The following TMEM245 variants were observed in gnomAD, a reference collection of about 807,000 sequenced individuals.
The protein encoded by TMEM245 is protein CG-2.
Under a neutral mutation model 101.2 loss-of-function variants are expected in TMEM245, and 69 were observed. That is an observed-to-expected ratio of 0.68 (90% CI 0.56 to 0.83). The LOEUF (loss-of-function observed/expected upper bound fraction) is 0.83, where lower values mean the gene tolerates loss of function less well. Among genes scored for constraint, TMEM245 ranks in the 40% least tolerant of loss-of-function variants. The pLI is 0.00. For synonymous variants in TMEM245, 537 were observed against 449.8 expected (o/e 1.19, Z -2.45); for missense variants, 1,075 against 1,092.8 (o/e 0.98, Z 0.23).
chr9:109,084,256 T>G (rs1407817872), intron 7 of TMEM245, among the ~76,000 whole-genome samples: 1 of 152,140 alleles, frequency 6.6e-6, no homozygotes, highest in Non-Finnish European at 1.5e-5. Flanking sequence ...TTTCTGACTT[T>G]GAGATGTAAT....
intron 14 of TMEM245, among the ~76,000 whole-genome samples, chr9:109,049,185 G>C (rs1259959998): frequency 1.3e-5 from 2 of 152,194 alleles, no homozygotes; most frequent in East Asian, 1.9e-4. Flanking sequence ...AGGTTTGAGA[G>C]AAGGTTATCA....
Position 109,050,159 on chromosome 9 carries a change from G to T in TMEM245, c.2123+124C>A, listed in dbSNP as rs1828628753. On this transcript the variant is annotated intron_variant, in intron 14 of 17. Transcript: ENST00000374586. ...CCTGTCAAAATGAGATGAAAACCTT[G>T]AAAATACCAGAGTCCATCACGAGTT... 3.6e-6 allele frequency: 4 copies of T among 1,126,532 alleles called. No individual in the cohort carries two copies. The Admixed American group carries it at 1.0e-4, about 29-fold the overall frequency. 69.8% of individuals were successfully genotyped at this position (1,126,532 alleles called of 1,614,324 possible).
intron 7 of TMEM245, among the ~76,000 whole-genome samples, chr9:109,083,157 C>T (rs146097808): frequency 8.0e-5 from 12 of 150,118 alleles, no homozygotes; most frequent in African/African-American, 2.2e-4. Context: ...AAACTAAGGA[C>T]GAAAAGAGGA....
Position 109,090,260 on chromosome 9 carries a change from C to CA in TMEM245, c.1150+661dup, listed in dbSNP as rs546819583. Among the ~76,000 whole-genome samples the CA allele has an allele frequency of 5.1e-3, 734 of 143,764 alleles. 5 individuals are homozygous for CA. The highest frequency in any genetic ancestry group is 0.017 in the African/African-American group (682 of 39,470). The allele number at this position is 143,764 out of a possible 152,430, so 94.3% of individuals were successfully genotyped here. ...TGGGTGACAGAGCGAGACTCCGTCT[C>CA]AAAAAAAAAACAAAAAATCATTCGA... On this transcript the variant is annotated intron_variant, in intron 5 of 17. Coordinates refer to ENST00000374586, the MANE Select transcript of TMEM245 (RefSeq NM_032012.4).
At chr9:109,058,158 G>A (rs995983668) in intron 11 of TMEM245, among the ~76,000 whole-genome samples, 2 of 151,030 alleles carry the variant, frequency 1.3e-5, no homozygotes, top group Non-Finnish European at 2.9e-5. Context: ...CTGCCACAAC[G>A]CCTGGCTAAT....
intron 8 of TMEM245, among the ~76,000 whole-genome samples, chr9:109,080,097 T>C (rs1326909344): frequency 1.3e-5 from 2 of 152,100 alleles, no homozygotes; most frequent in Admixed American, 6.6e-5. Context: ...CAATTATAGT[T>C]ACCAACATGT....
Position 109,072,588 on chromosome 9 carries a change from G to A in TMEM245, c.1532+768C>T, listed in dbSNP as rs186825752. Among the ~76,000 whole-genome samples, 8 of 152,274 alleles carry A rather than the reference G, an allele frequency of 5.3e-5. No individual in the cohort carries two copies. The East Asian group carries it at 5.8e-4, about 11-fold the overall frequency. ...CTCTTCTCATTCCTTTGTCGCCACC[G>A]AACTTCAGGTACCCTACGGGTGGTG... is the stretch of plus-strand genomic sequence containing the variant. On this transcript the variant is annotated intron_variant, in intron 9 of 17. Transcript: ENST00000374586.
chr9:109,080,869 A>G lies in TMEM245; in HGVS notation c.1419T>C (p.Thr473=). 6.2e-7 allele frequency: 1 copy of G among 1,606,954 alleles called. No homozygotes were observed. Among genetic ancestry groups the G allele is most frequent in the South Asian group, 1.1e-5 (1 of 90,820 alleles). ...IFIIFLLVIG[T]LLLALLLTAK... is the part of the protein sequence containing the mutation. The stretch of plus-strand genomic sequence containing the variant: ...CAGTCAGGAGTAGGGCTAAAAGAAG[A>G]GTTCCTATCACTAACAAAAATATGA... Residue 473 remains threonine, a synonymous_variant, in exon 8 of 18, where the codon ACT becomes ACC. Transcript: ENST00000374586.
intron 8 of TMEM245, among the ~76,000 whole-genome samples, chr9:109,076,397 G>T (rs1464046806): frequency 7.1e-6 from 1 of 140,548 alleles, no homozygotes; most frequent in Non-Finnish European, 1.5e-5. Context: ...GGGGGGAGGG[G>T]GGAGGGATAG....
chr9:109,034,589 G>A (rs7874008), intron 16 of TMEM245, among the ~76,000 whole-genome samples: 33,199 of 151,888 alleles, frequency 0.22, 4,422 homozygotes, highest in Admixed American at 0.3. Flanking sequence ...TGGGACTACA[G>A]GCATGTGCCA....
chr9:109,034,707 A>G (rs887260658), intron 16 of TMEM245, among the ~76,000 whole-genome samples: 2 of 152,136 alleles, frequency 1.3e-5, no homozygotes, highest in African/African-American at 4.8e-5. Context: ...CGGCCTCTCA[A>G]AGTGGTAGGA....
intron 14 of TMEM245, among the ~76,000 whole-genome samples, chr9:109,046,957 T>A (rs965137258): frequency 2.0e-5 from 3 of 152,198 alleles, no homozygotes; most frequent in African/African-American, 7.2e-5. Flanking sequence ...CTGTACATTT[T>A]AAGTCTTGAA....
chr9:109,043,547 T>C (rs1015262941), intron 14 of TMEM245, among the ~76,000 whole-genome samples: 1 of 152,220 alleles, frequency 6.6e-6, no homozygotes, highest in African/African-American at 2.4e-5. Context: ...CTTCAAAGAT[T>C]ATTGACAGTT....
chr9:109,097,785 GTGGCGCATGC>G (rs1830179684), intron 3 of TMEM245, among the ~76,000 whole-genome samples: 1 of 152,082 alleles, frequency 6.6e-6, no homozygotes, highest in Admixed American at 6.5e-5. Context: ...GCCAGGTATG[GTGGCGCATGC>G]TTGTAATCCC....
In TMEM245 at chr9:109,119,945, G is replaced by T. The variant is rs532713647; in HGVS notation, c.-32C>A. The T allele has an allele frequency of 2.3e-6, 3 of 1,291,434 alleles. No homozygotes were observed. The African/African-American group carries it at 4.6e-5, about 20-fold the overall frequency. 80.0% of individuals were successfully genotyped at this position (1,291,434 alleles called of 1,614,324 possible). On this transcript the variant is annotated 5_prime_UTR_variant, in exon 1 of 18. Coordinates refer to ENST00000374586, the MANE Select transcript of TMEM245 (RefSeq NM_032012.4). ...TCCGCCACAGCCGCCCCCGAGGGGCGGTAATGGGAGTCGGGCTAGAAACGC... is the reference window on the plus strand; with the variant it reads ...TCCGCCACAGCCGCCCCCGAGGGGCTGTAATGGGAGTCGGGCTAGAAACGC...
chr9:109,087,166 A>G lies in TMEM245; in HGVS notation c.1320+7T>C, dbSNP rs375542393. On this transcript the variant is annotated splice_region_variant and intron_variant, in intron 6 of 17. Transcript: ENST00000374586. The stretch of plus-strand genomic sequence containing the variant: ...TTAAGACAGCCCAAGTCCTTAAAAT[A>G]CAATACCTTGCTATCAACTTTTAAC... The G allele has an allele frequency of 6.2e-7, 1 of 1,601,864 alleles. No homozygotes were observed. The highest frequency in any genetic ancestry group is 8.5e-7 in the Non-Finnish European group (1 of 1,176,662).
chr9:109,103,881 T>A (rs967952172), intron 3 of TMEM245, among the ~76,000 whole-genome samples: 1 of 149,844 alleles, frequency 6.7e-6, no homozygotes, highest in Non-Finnish European at 1.5e-5. Context: ...AGATCAGGAG[T>A]TCGAGACCAG....
chr9:109,016,654 GTGTGTT>G lies in TMEM245; in HGVS notation c.*3800_*3805del, dbSNP rs1564161132. 2 of 85,296 alleles carry G rather than the reference GTGTGTT, an allele frequency of 2.3e-5. No homozygotes were observed. Among genetic ancestry groups the G allele is most frequent in the African/African-American group, 1.1e-4 (2 of 19,018 alleles). 5.3% of individuals were successfully genotyped at this position (85,296 alleles called of 1,614,324 possible). A position where few individuals can be genotyped will look rare whatever the true frequency, so the allele number is the denominator to read the frequency against. The stretch of plus-strand genomic sequence containing the variant: ...ACCAAACAGTGGCTGCAGACAGCAT[GTGTGTT>G]TTTTTTTTTTTTTTTTTTTGCAGGT... On this transcript the variant is annotated 3_prime_UTR_variant, in exon 18 of 18. Transcript: ENST00000374586.
At chr9:109,056,440 CAAAAAAAAAAAAAA>C (rs753175633) in intron 12 of TMEM245, among the ~76,000 whole-genome samples, 1 of 36,768 alleles carries the variant, frequency 2.7e-5, no homozygotes, top group Admixed American at 4.4e-4. Flanking sequence ...ACTAAAAATG[CAAAAAAAAAAAAAA>C]AAAAAAAAAA....
Sources: allele counts gnomAD v4.1 joint callset (sites outside exome capture counted in the v4.1 genomes callset), GRCh38; gene constraint gnomAD v4.1.1; transcripts MANE v1.5; gene names NCBI Gene and HGNC (gene_info 2026-07-23, HGNC 2026-07-21).